PALM2AKAP2: variants seen among roughly 807,000 people sequenced by gnomAD.
The protein encoded by PALM2AKAP2 is PALM2-AKAP2 fusion protein.
PALM2AKAP2 carries 37 observed loss-of-function variants against 71.5 expected under a neutral mutation model. The ratio of observed to expected loss-of-function variants is 0.52; its 90% CI spans 0.40 to 0.68. The LOEUF (loss-of-function observed/expected upper bound fraction) is 0.68, where lower values mean the gene tolerates loss of function less well. PALM2AKAP2 is among the 30% of genes least tolerant of loss of function. PALM2AKAP2 has a pLI of 0.00. For missense variants in PALM2AKAP2, 1,224 were observed against 1,191.8 expected (o/e 1.03, Z -0.40); for synonymous variants, 468 against 478.8 (o/e 0.98, Z 0.29).
At chr9:110,152,943 CT>C (rs1382528748) in intron 2 of PALM2AKAP2, among the ~76,000 whole-genome samples, 1 of 152,144 alleles carries the variant, frequency 6.6e-6, no homozygotes, top group Non-Finnish European at 1.5e-5. Flanking sequence ...GGCATAGTGT[CT>C]TCTCTCTCTG....
intron 6 of PALM2AKAP2, among the ~76,000 whole-genome samples, chr9:109,983,700 A>G (rs1295229396): frequency 6.6e-6 from 1 of 151,932 alleles, no homozygotes; most frequent in African/African-American, 2.4e-5. Context: ...CCCCATCTCT[A>G]CTAAAAATAC....
At chr9:110,153,892 G>A (rs1431143165) in intron 2 of PALM2AKAP2, among the ~76,000 whole-genome samples, 1 of 152,214 alleles carries the variant, frequency 6.6e-6, no homozygotes, top group Non-Finnish European at 1.5e-5. Flanking sequence ...ACTGTGCTGT[G>A]TGTGAAAGGG....
intron 1 of PALM2AKAP2, among the ~76,000 whole-genome samples, chr9:109,693,334 T>C (rs1264439832): frequency 6.6e-6 from 1 of 151,982 alleles, no homozygotes; most frequent in African/African-American, 2.4e-5. Context: ...ACTGCTAATA[T>C]TGGTAATTTG....
At chr9:110,022,201 G>A (rs1178884851) in intron 7 of PALM2AKAP2, among the ~76,000 whole-genome samples, 7 of 151,956 alleles carry the variant, frequency 4.6e-5, no homozygotes, top group Non-Finnish European at 8.8e-5. Context: ...CTCTTTATCC[G>A]GTCTACTTGT....
chr9:110,141,512 T>G (rs1331463746), intron 2 of PALM2AKAP2, among the ~76,000 whole-genome samples: 2 of 152,244 alleles, frequency 1.3e-5, no homozygotes, highest in Non-Finnish European at 2.9e-5. Context: ...TGTTCATGCC[T>G]GGAAATCTTT....
chr9:109,719,947 A>G (rs1181108526), intron 1 of PALM2AKAP2, among the ~76,000 whole-genome samples: 2 of 152,156 alleles, frequency 1.3e-5, no homozygotes, highest in Non-Finnish European at 2.9e-5. Flanking sequence ...ATGTAACACA[A>G]TAAACATGAT....
chr9:110,080,288 G>C (rs1236486914), intron 1 of PALM2AKAP2, among the ~76,000 whole-genome samples: 1 of 152,132 alleles, frequency 6.6e-6, no homozygotes, highest in Non-Finnish European at 1.5e-5. Context: ...CAATGATAGT[G>C]ATGGAAATTG....
intron 1 of PALM2AKAP2, among the ~76,000 whole-genome samples, chr9:110,135,530 T>G (rs1231113201): frequency 6.6e-6 from 1 of 152,086 alleles, no homozygotes; most frequent in South Asian, 2.1e-4. Context: ...GAGTATTATT[T>G]TGATGCAATC....
At chr9:109,722,497 C>T (rs557475798) in intron 1 of PALM2AKAP2, among the ~76,000 whole-genome samples, 1 of 152,086 alleles carries the variant, frequency 6.6e-6, no homozygotes, top group Non-Finnish European at 1.5e-5. Context: ...AGGAGCTAGG[C>T]GAGATGCCTC....
At chr9:109,775,098 C>G (rs1304580609) in intron 1 of PALM2AKAP2, among the ~76,000 whole-genome samples, 1 of 152,172 alleles carries the variant, frequency 6.6e-6, no homozygotes, top group African/African-American at 2.4e-5. Flanking sequence ...TTTGTCCATA[C>G]TACCACAACA....
intron 7 of PALM2AKAP2, among the ~76,000 whole-genome samples, chr9:110,022,448 C>A (rs1387560872): frequency 6.6e-6 from 1 of 152,112 alleles, no homozygotes; most frequent in Non-Finnish European, 1.5e-5. Flanking sequence ...TTTAAAAGCC[C>A]CTGGCTTTCA....
intron 1 of PALM2AKAP2, among the ~76,000 whole-genome samples, chr9:109,821,992 C>T (rs1828019508): frequency 6.6e-6 from 1 of 152,202 alleles, no homozygotes; most frequent in Admixed American, 6.5e-5. Flanking sequence ...TCTTATTCAT[C>T]CACTGCCCAT....
chr9:110,130,231 C>G (rs1199777234), intron 1 of PALM2AKAP2, among the ~76,000 whole-genome samples: 1 of 152,178 alleles, frequency 6.6e-6, no homozygotes, highest in Non-Finnish European at 1.5e-5. Flanking sequence ...ACTTAATTCT[C>G]AAAACAGATT....
At chr9:109,665,335 G>T (rs1827465472) in intron 1 of PALM2AKAP2, among the ~76,000 whole-genome samples, 1 of 152,100 alleles carries the variant, frequency 6.6e-6, no homozygotes, top group African/African-American at 2.4e-5. Flanking sequence ...ATCTACCTTT[G>T]GTCTTTGATA....
chr9:109,837,443 A>G (rs894899612), intron 1 of PALM2AKAP2, among the ~76,000 whole-genome samples: 9 of 152,214 alleles, frequency 5.9e-5, no homozygotes, highest in Non-Finnish European at 1.0e-4. Flanking sequence ...TGTAAAGACC[A>G]TCGAGGCTAG....
intron 3 of PALM2AKAP2, among the ~76,000 whole-genome samples, chr9:109,889,436 A>G (rs778021689): frequency 6.6e-6 from 1 of 152,200 alleles, no homozygotes; most frequent in Non-Finnish European, 1.5e-5. Flanking sequence ...AATAAAACCC[A>G]AGTATATACT....
chr9:109,733,530 C>A (rs1348390780), intron 1 of PALM2AKAP2, among the ~76,000 whole-genome samples: 1 of 152,142 alleles, frequency 6.6e-6, no homozygotes, highest in Non-Finnish European at 1.5e-5. Context: ...GTGTGCCTTT[C>A]CCCTTCCGTA....
intron 1 of PALM2AKAP2, among the ~76,000 whole-genome samples, chr9:110,078,992 G>A (rs1220925537): frequency 2.0e-5 from 3 of 152,132 alleles, no homozygotes; most frequent in South Asian, 4.1e-4. Context: ...TTGAAATATC[G>A]CCCTGGGCCG....
chr9:109,759,473 T>C (rs1829017716), intron 1 of PALM2AKAP2, among the ~76,000 whole-genome samples: 1 of 152,138 alleles, frequency 6.6e-6, no homozygotes, highest in African/African-American at 2.4e-5. Flanking sequence ...TCCATCATAA[T>C]ATAAGACCTT....
Sources: gnomAD v4.1 joint callset for allele counts (sites outside exome capture counted in the v4.1 genomes callset) on GRCh38, gnomAD v4.1.1 for gene constraint, MANE v1.5 for transcripts, NCBI Gene and HGNC (gene_info 2026-07-23, HGNC 2026-07-21) for gene names.